Variants in FOCAD observed in about 807,000 individuals in gnomAD.
FOCAD encodes the protein KIAA1797.
A neutral mutation model predicts 225.6 loss-of-function variants in FOCAD; 198 were observed. That is an observed-to-expected ratio of 0.88 (90% CI 0.78 to 0.99). The LOEUF is 0.99. FOCAD is among the 50% of genes least tolerant of loss of function. FOCAD has a pLI of 0.00. For missense variants in FOCAD, 2,713 were observed against 2,123.6 expected, an observed-to-expected ratio of 1.28 and a Z score of -5.46; for synonymous variants, 897 against 755.0, an observed-to-expected ratio of 1.19 and a Z score of -3.08.
At chr9:20,806,265 G>A (rs941424693) in intron 11 of FOCAD, among the ~76,000 whole-genome samples, 1 of 152,140 alleles carries the variant, frequency 6.6e-6, no homozygotes, top group South Asian at 2.1e-4. Context: ...TATTCTATAT[G>A]AAGTATTATT....
upstream of FOCAD, among the ~76,000 whole-genome samples, chr9:20,679,882 C>T (rs1238027096): frequency 2.0e-5 from 3 of 148,320 alleles, no homozygotes; most frequent in Non-Finnish European, 4.6e-5. Flanking sequence ...GCACCCTCCA[C>T]AGGTTACATG....
At chr9:20,860,194 A>G (rs895808675) in intron 15 of FOCAD, among the ~76,000 whole-genome samples, 1 of 152,184 alleles carries the variant, frequency 6.6e-6, no homozygotes, top group Non-Finnish European at 1.5e-5. Flanking sequence ...GGAAATTAAT[A>G]TTGGTGCAGT....
At chr9:20,812,278 C>G (rs1251469863) in intron 11 of FOCAD, among the ~76,000 whole-genome samples, 1 of 151,800 alleles carries the variant, frequency 6.6e-6, no homozygotes, top group Non-Finnish European at 1.5e-5. Context: ...TACTATATAT[C>G]TCATATAGTA....
chr9:20,661,639 AAG>A (rs1323461304), intron 2 of FOCAD, among the ~76,000 whole-genome samples: 1 of 152,184 alleles, frequency 6.6e-6, no homozygotes, highest in Non-Finnish European at 1.5e-5. Context: ...CACTGGGAAA[AAG>A]AGGTCAATAT....
intron 1 of FOCAD, chr9:20,684,707 G>C (rs1248829070): frequency 6.6e-6 from 1 of 152,328 alleles, no homozygotes; most frequent in Non-Finnish European, 1.5e-5. Context: ...CTAGTTGGGG[G>C]CAGAGCAGGA....
intron 39 of FOCAD, among the ~76,000 whole-genome samples, chr9:20,985,060 C>T (rs1044717629): frequency 3.9e-5 from 6 of 152,138 alleles, no homozygotes; most frequent in African/African-American, 1.4e-4. Context: ...CCTTGGCCTC[C>T]CAAAGCGCTG....
At chr9:20,753,628 G>C (rs1458694849) in intron 5 of FOCAD, among the ~76,000 whole-genome samples, 2 of 151,720 alleles carry the variant, frequency 1.3e-5, no homozygotes, top group East Asian at 3.9e-4. Flanking sequence ...TGTCTTTTTT[G>C]GTTGTGTCTC....
intron 1 of FOCAD, among the ~76,000 whole-genome samples, chr9:20,690,289 C>A (rs1221373011): frequency 6.6e-6 from 1 of 152,174 alleles, no homozygotes; most frequent in Admixed American, 6.5e-5. Flanking sequence ...CATTGCATTT[C>A]CCCTAATTAC....
At chr9:20,915,867 T>A (rs1327867240) in intron 23 of FOCAD, among the ~76,000 whole-genome samples, 1 of 152,200 alleles carries the variant, frequency 6.6e-6, no homozygotes, top group African/African-American at 2.4e-5. Context: ...TAGGTCATCA[T>A]TTGTAAATAT....
At chr9:20,921,797 T>C (rs2132129006) in intron 24 of FOCAD, among the ~76,000 whole-genome samples, 1 of 152,322 alleles carries the variant, frequency 6.6e-6, no homozygotes, top group South Asian at 2.1e-4. Context: ...ATAAAATAGT[T>C]TTTGGTACTG....
intron 19 of FOCAD, among the ~76,000 whole-genome samples, chr9:20,878,202 T>C (rs187933893): frequency 4.4e-4 from 67 of 152,316 alleles, no homozygotes; most frequent in African/African-American, 1.6e-3. Flanking sequence ...TCGGAAAAGA[T>C]GCAAAAATGA....
chr9:20,879,818 A>G (rs1265113571), intron 19 of FOCAD, among the ~76,000 whole-genome samples: 1 of 152,214 alleles, frequency 6.6e-6, no homozygotes, highest in Non-Finnish European at 1.5e-5. Context: ...GGCTGGTGTT[A>G]GGTAAACATC....
intron 11 of FOCAD, among the ~76,000 whole-genome samples, chr9:20,816,661 G>A (rs1204345747): frequency 6.6e-6 from 1 of 151,878 alleles, no homozygotes; most frequent in African/African-American, 2.4e-5. Flanking sequence ...AGATGTCTTC[G>A]AAGGTTAGAA....
intron 5 of FOCAD, among the ~76,000 whole-genome samples, chr9:20,751,249 C>T (rs543337531): frequency 6.7e-5 from 10 of 148,984 alleles, no homozygotes; most frequent in East Asian, 4.0e-4. Flanking sequence ...CATGCTGGTG[C>T]GCTGCACCCA....
rs963509790 is a variant in FOCAD, at chr9:20,914,985, G to A, written c.2808-1908G>A. Among the ~76,000 whole-genome samples, 5 of 152,150 alleles carry A rather than the reference G, an allele frequency of 3.3e-5. 1 individual carries two copies. In the South Asian group the frequency reaches 1.0e-3, roughly 31 times the overall value. ...AATAATTGAAATGAAGGATGTGAAA[G>A]AAAGGGATCAATCAAAGATACTCCA... On this transcript the variant is annotated intron_variant, in intron 23 of 43. Transcript: ENST00000338382.
chr9:20,685,195 A>ATTTTTTT (rs1563875171), intron 1 of FOCAD, among the ~76,000 whole-genome samples: 5 of 123,122 alleles, frequency 4.1e-5, no homozygotes, highest in African/African-American at 1.7e-4. Flanking sequence ...TTGAGTTGGA[A>ATTTTTTT]ATTTTTTTTT....
chr9:20,781,267 A>G (rs919808667), intron 9 of FOCAD, among the ~76,000 whole-genome samples: 1 of 152,166 alleles, frequency 6.6e-6, no homozygotes, highest in African/African-American at 2.4e-5. Context: ...TCTGCTTCTT[A>G]GCAATTACAG....
At chr9:20,721,765 C>A (rs1825784667) in intron 4 of FOCAD, among the ~76,000 whole-genome samples, 1 of 151,932 alleles carries the variant, frequency 6.6e-6, no homozygotes, top group Admixed American at 6.6e-5. Flanking sequence ...TTAAATAACC[C>A]CTAGCCTTTT....
chr9:20,947,022 G>A lies in FOCAD; in HGVS notation c.3675+202G>A, dbSNP rs7867929. 0.98 allele frequency among the ~76,000 whole-genome samples: 149,176 copies of A among 152,318 alleles called. 73,149 individuals are homozygous for A. The highest frequency in any genetic ancestry group is 1 in the Non-Finnish European group (68,030 of 68,040). On this transcript the variant is annotated intron_variant, in intron 30 of 43. Transcript: ENST00000338382. ...CTCCTTATCCCCTGTCTCATTCTGT[G>A]GACATTTCTTTTTCTTTGAGAGAGT...
Sources: allele counts gnomAD v4.1 joint callset (sites outside exome capture counted in the v4.1 genomes callset), GRCh38; gene constraint gnomAD v4.1.1; transcripts MANE v1.5; gene names NCBI Gene and HGNC (gene_info 2026-07-23, HGNC 2026-07-21).